TBC1D22A: variants seen among roughly 807,000 people sequenced by gnomAD.
The protein encoded by TBC1D22A is putative GTPase activator.
In TBC1D22A, 38 loss-of-function variants were observed where a neutral mutation model predicts 60.2. The ratio of observed to expected loss-of-function variants is 0.63; its 90% CI spans 0.49 to 0.83. The LOEUF (loss-of-function observed/expected upper bound fraction) is 0.83. TBC1D22A is among the 40% of genes least tolerant of loss of function. The probability of loss-of-function intolerance (pLI) is 0.00; values close to 1 mark genes in which losing one functional copy is unlikely to be tolerated. For missense variants in TBC1D22A, 628 were observed against 701.0 expected (o/e 0.90, Z 1.18); for synonymous variants, 302 against 281.7 (o/e 1.07, Z -0.72).
In TBC1D22A at chr22:46,878,669, G is replaced by A; in HGVS notation, c.654G>A (p.Leu218=). The change falls in exon 5 of 13, where the codon TTG becomes TTA. Residue 218 remains leucine, a synonymous_variant. Coordinates refer to ENST00000337137, the MANE Select transcript of TBC1D22A (RefSeq NM_014346.5). ...PNTDLEELRR[L]SWSGIPKPVR... ...CATCAACAGAGGAATTACGGAGGTT[G>A]AGCTGGTCCGGAATCCCTAAGCCAG... 5 of 1,613,222 alleles carry A rather than the reference G, an allele frequency of 3.1e-6. No homozygotes were observed. Among genetic ancestry groups the A allele is most frequent in the Non-Finnish European group, 4.2e-6 (5 of 1,179,840 alleles).
intron 12 of TBC1D22A, among the ~76,000 whole-genome samples, chr22:47,163,028 A>C (rs35342488): frequency 0.017 from 2,537 of 152,332 alleles, 26 homozygotes; most frequent in Middle Eastern, 0.041. Context: ...TTGGCCCCGG[A>C]GACCAAAGGA....
intron 9 of TBC1D22A, among the ~76,000 whole-genome samples, chr22:46,992,140 C>A (rs1209330340): frequency 6.6e-6 from 1 of 152,216 alleles, no homozygotes; most frequent in Non-Finnish European, 1.5e-5. Context: ...CCCAAGACGA[C>A]CCCACAGAGC....
intron 11 of TBC1D22A, among the ~76,000 whole-genome samples, chr22:47,075,298 T>A (rs143858123): frequency 6.6e-5 from 10 of 151,248 alleles, no homozygotes; most frequent in Non-Finnish European, 1.5e-5. Flanking sequence ...GCTTCTTGTG[T>A]GTGTTGGGGG....
intron 10 of TBC1D22A, among the ~76,000 whole-genome samples, chr22:47,034,457 T>C (rs569210761): frequency 3.6e-5 from 5 of 138,472 alleles, no homozygotes; most frequent in Non-Finnish European, 7.7e-5. Flanking sequence ...ATTTAACAGC[T>C]CCTGTGCTCC....
intron 8 of TBC1D22A, among the ~76,000 whole-genome samples, chr22:46,944,465 C>T (rs754081942): frequency 6.6e-6 from 1 of 152,184 alleles, no homozygotes; most frequent in Non-Finnish European, 1.5e-5. Flanking sequence ...GTGGCGCAAT[C>T]TTGGCTCACT....
intron 11 of TBC1D22A, among the ~76,000 whole-genome samples, chr22:47,097,898 G>C (rs1006532716): frequency 1.3e-5 from 2 of 152,018 alleles, no homozygotes; most frequent in African/African-American, 2.4e-5. Flanking sequence ...CCTTTGACTG[G>C]TCAGAATACC....
chr22:46,848,029 T>A lies in TBC1D22A; in HGVS notation c.638-30624T>A, dbSNP rs187752079. 8.5e-4 allele frequency among the ~76,000 whole-genome samples: 129 copies of A among 152,348 alleles called. 1 individual carries two copies. Among genetic ancestry groups the A allele is most frequent in the African/African-American group, 2.9e-3 (122 of 41,586 alleles). On this transcript the variant is annotated intron_variant, in intron 4 of 12. Transcript: ENST00000337137. ...AACACTTCTTGAGCAGCAGATATTC[T>A]TTCTGGGTGACATTCCTTCTTAGAA... is the stretch of plus-strand genomic sequence containing the variant.
intron 12 of TBC1D22A, among the ~76,000 whole-genome samples, chr22:47,120,082 C>T (rs896797978): frequency 2.6e-5 from 4 of 152,162 alleles, no homozygotes; most frequent in Admixed American, 6.5e-5. Context: ...TAGAGTTAGC[C>T]TCAGAGATCA....
chr22:47,159,322 C>T lies in TBC1D22A; in HGVS notation c.1426-14176C>T, dbSNP rs918718366. The stretch of plus-strand genomic sequence containing the variant: ...CACACACACCATGTATACATACACA[C>T]ACATGTATACACACACACCATGTAT... On this transcript the variant is annotated intron_variant, in intron 12 of 12. Transcript: ENST00000337137. 5.2e-4 allele frequency among the ~76,000 whole-genome samples: 41 copies of T among 78,344 alleles called. 2 individuals are homozygous for T. In the East Asian group the frequency reaches 9.0e-3, roughly 17 times the overall value. The allele number at this position is 78,344 out of a possible 152,430, so 51.4% of individuals were successfully genotyped here.
intron 10 of TBC1D22A, among the ~76,000 whole-genome samples, chr22:47,013,288 G>A (rs2061810882): frequency 6.6e-6 from 1 of 152,122 alleles, no homozygotes; most frequent in South Asian, 2.1e-4. Flanking sequence ...AAACACGTGA[G>A]GCCTCCCTGG....
intron 4 of TBC1D22A, among the ~76,000 whole-genome samples, chr22:46,858,188 G>T (rs953522441): frequency 6.6e-6 from 1 of 152,186 alleles, no homozygotes; most frequent in Admixed American, 6.5e-5. Flanking sequence ...ATGTGAAGGG[G>T]TATCTCATTG....
intron 4 of TBC1D22A, among the ~76,000 whole-genome samples, chr22:46,860,366 C>T (rs2087795806): frequency 1.4e-4 from 2 of 14,668 alleles, no homozygotes; most frequent in African/African-American, 1.9e-3. Context: ...TAGAGGTCCG[C>T]GCAGTGCCGT....
chr22:46,821,782 G>A (rs182733587), intron 4 of TBC1D22A, among the ~76,000 whole-genome samples: 4 of 152,176 alleles, frequency 2.6e-5, no homozygotes, highest in South Asian at 4.1e-4. Context: ...ATGTTGGCCC[G>A]TCTTGCTAGG....
At chr22:46,922,479 G>A (rs376926960) in intron 8 of TBC1D22A, among the ~76,000 whole-genome samples, 2 of 152,092 alleles carry the variant, frequency 1.3e-5, no homozygotes, top group South Asian at 2.1e-4. Context: ...TCATTTATTG[G>A]TAGTTTAATA....
At chr22:46,902,990 CGTATGGGGCAGT>C (rs2069116969) in intron 7 of TBC1D22A, among the ~76,000 whole-genome samples, 2 of 152,218 alleles carry the variant, frequency 1.3e-5, no homozygotes, top group Non-Finnish European at 2.9e-5. Flanking sequence ...GGAGGGGCAG[CGTATGGGGCAGT>C]CCACTCTGGA....
chr22:46,776,225 C>G (rs2083697742), intron 1 of TBC1D22A, among the ~76,000 whole-genome samples: 1 of 152,204 alleles, frequency 6.6e-6, no homozygotes, highest in African/African-American at 2.4e-5. Context: ...ACAAGGCCTT[C>G]TTGGCACAGG....
At chr22:47,051,943 T>G (rs1324714725) in intron 11 of TBC1D22A, among the ~76,000 whole-genome samples, 1 of 152,194 alleles carries the variant, frequency 6.6e-6, no homozygotes, top group Non-Finnish European at 1.5e-5. Flanking sequence ...CAGAGTGCAT[T>G]GCCACTAGCA....
chr22:46,959,431 C>G lies in TBC1D22A; in HGVS notation c.1016-14859C>G, dbSNP rs530971152. ...GGACACAGGGTGTGGGTGTGGCTGC[C>G]GCAGCGGGCAGCATTGCCGCCTCCC... On this transcript the variant is annotated intron_variant, in intron 8 of 12. Transcript: ENST00000337137. 1.5e-4 allele frequency among the ~76,000 whole-genome samples: 23 copies of G among 152,292 alleles called. No homozygotes were observed. In the South Asian group the frequency reaches 4.8e-3, roughly 32 times the overall value.
At chr22:47,003,090 C>T (rs1447942520) in intron 10 of TBC1D22A, among the ~76,000 whole-genome samples, 1 of 152,130 alleles carries the variant, frequency 6.6e-6, no homozygotes, top group Non-Finnish European at 1.5e-5. Context: ...GGGCTAGGGG[C>T]GCCAAACTGA....
Sources: allele counts gnomAD v4.1 joint callset (sites outside exome capture counted in the v4.1 genomes callset), GRCh38; gene constraint gnomAD v4.1.1; transcripts MANE v1.5; gene names NCBI Gene and HGNC (gene_info 2026-07-23, HGNC 2026-07-21).